GNG2: variants seen among roughly 807,000 people sequenced by gnomAD.
GNG2 encodes guanine nucleotide-binding protein G(I)/G(S)/G(O) subunit gamma-2.
GNG2 carries 5 observed loss-of-function variants against 5.5 expected under a neutral mutation model. That is an observed-to-expected ratio of 0.91 (90% confidence interval 0.48 to 1.92). The LOEUF is 1.92. GNG2 is among the 30% of genes most tolerant of loss of function. GNG2 has a pLI of 0.01. For synonymous variants in GNG2, 28 were observed against 32.0 expected (o/e 0.88, Z 0.42); for missense variants, 55 against 88.4 (o/e 0.62, Z 1.52).
At chr14:51,879,788 G>T (rs1318704265) in intron 2 of GNG2, among the ~76,000 whole-genome samples, 1 of 152,100 alleles carries the variant, frequency 6.6e-6, no homozygotes, top group East Asian at 1.9e-4. Context: ...GGATAAGCCA[G>T]GCTAATCTCC....
intron 2 of GNG2, among the ~76,000 whole-genome samples, chr14:51,904,294 G>T (rs11851703): frequency 1.3e-5 from 2 of 152,156 alleles, no homozygotes; most frequent in East Asian, 3.9e-4. Context: ...TCCAGTTCAG[G>T]GTCTGGCAGG....
chr14:51,861,150 G>T (rs1882452118), intron 1 of GNG2, among the ~76,000 whole-genome samples: 1 of 152,138 alleles, frequency 6.6e-6, no homozygotes, highest in Non-Finnish European at 1.5e-5. Flanking sequence ...GGAGTGAGTG[G>T]TGTAAAATAT....
At chr14:51,941,576 C>T (rs1888320469) in intron 2 of GNG2, among the ~76,000 whole-genome samples, 1 of 152,160 alleles carries the variant, frequency 6.6e-6, no homozygotes, top group Non-Finnish European at 1.5e-5. Flanking sequence ...TGAAAAACAC[C>T]ATTGAAGTAT....
chr14:51,878,376 C>T (rs542198721), intron 2 of GNG2, among the ~76,000 whole-genome samples: 3 of 152,246 alleles, frequency 2.0e-5, no homozygotes, highest in South Asian at 2.1e-4. Flanking sequence ...CCTACATCCC[C>T]ATCACCCAAT....
chr14:51,881,305 G>A (rs138567404), intron 2 of GNG2, among the ~76,000 whole-genome samples: 1 of 152,276 alleles, frequency 6.6e-6, no homozygotes, highest in East Asian at 1.9e-4. Flanking sequence ...GTAAATATTA[G>A]GAAGACTATC....
At chr14:51,917,417 C>T (rs562995951) in intron 2 of GNG2, 4 of 456,066 alleles carry the variant, frequency 8.8e-6, no homozygotes, top group African/African-American at 2.0e-5. Context: ...ATACTGCAAT[C>T]GCCTCTGTAA....
At position 51,947,746 on chromosome 14, in the gene GNG2, G is replaced by A. The variant is rs115375445; in HGVS notation, c.-29-2904G>A. 5.5e-3 allele frequency among the ~76,000 whole-genome samples: 840 copies of A among 152,242 alleles called. 5 individuals carry two copies. Among genetic ancestry groups the A allele is most frequent in the African/African-American group, 0.019 (801 of 41,540 alleles). ...TAGAACAAATATATTCTCTATCTCA[G>A]CCTCCTCAAGCCACTCACAGCTTTT... On this transcript the variant is annotated intron_variant, in intron 2 of 3. Coordinates refer to ENST00000556766, the MANE Select transcript of GNG2 (RefSeq NM_053064.5).
chr14:51,968,833 C>A lies in GNG2; in HGVS notation c.*2146C>A, dbSNP rs964492599. On this transcript the variant is annotated 3_prime_UTR_variant, in exon 4 of 4. Transcript: ENST00000556766. ...CTGAGGCATCATTAGAAGGCCCAGA[C>A]GATTTCCACTATTCACAGCATTTCC... 4 of 152,144 alleles carry A rather than the reference C, an allele frequency of 2.6e-5. No individual in the cohort carries two copies. Among genetic ancestry groups the A allele is most frequent in the African/African-American group, 9.7e-5 (4 of 41,430 alleles). 9.4% of individuals were successfully genotyped at this position (152,144 alleles called of 1,614,324 possible). A position where few individuals can be genotyped will look rare whatever the true frequency, so the allele number is the denominator to read the frequency against.
upstream of GNG2, among the ~76,000 whole-genome samples, chr14:51,860,229 A>C (rs1448807016): frequency 6.6e-6 from 1 of 151,728 alleles, no homozygotes; most frequent in Non-Finnish European, 1.5e-5. Flanking sequence ...CCAAAAAAAA[A>C]CAGCAGCAGC....
rs549895170 is a variant in GNG2, at chr14:51,968,261, G to C, written c.*1574G>C. On this transcript the variant is annotated 3_prime_UTR_variant, in exon 4 of 4. Coordinates refer to ENST00000556766, the MANE Select transcript of GNG2 (RefSeq NM_053064.5). The stretch of plus-strand genomic sequence containing the variant: ...TCTGTGTCATTTTCAGTCAAAGAGG[G>C]CCTCTCTTACATCTTGTTTGCTTTC... 4 of 151,876 alleles carry C rather than the reference G, an allele frequency of 2.6e-5. No individual in the cohort carries two copies. The highest frequency in any genetic ancestry group is 1.9e-4 in the East Asian group (1 of 5,180). The allele number at this position is 151,876 out of a possible 1,614,324, so 9.4% of individuals were successfully genotyped here.
chr14:51,960,133 A>G (rs566797107), intron 3 of GNG2, among the ~76,000 whole-genome samples: 1 of 151,950 alleles, frequency 6.6e-6, no homozygotes, highest in African/African-American at 2.4e-5. Context: ...TATGTGTATT[A>G]AGTCATTTGA....
intron 2 of GNG2, among the ~76,000 whole-genome samples, chr14:51,926,445 A>C (rs1887325859): frequency 6.6e-6 from 1 of 152,210 alleles, no homozygotes. Flanking sequence ...TGAGTTTTGG[A>C]CTAATTTTTT....
chr14:51,878,432 C>T (rs1427038064), intron 2 of GNG2, among the ~76,000 whole-genome samples: 1 of 152,210 alleles, frequency 6.6e-6, no homozygotes, highest in Non-Finnish European at 1.5e-5. Context: ...ATTTCTACCT[C>T]TACCTACTTC....
chr14:51,853,818 C>G (rs1191129920), intron 2 of GNG2, among the ~76,000 whole-genome samples: 1 of 151,964 alleles, frequency 6.6e-6, no homozygotes, highest in African/African-American at 2.4e-5. Flanking sequence ...GTTCTCTAAC[C>G]TCTGTCACAC....
chr14:51,842,415 A>G (rs967247004), intron 2 of GNG2, among the ~76,000 whole-genome samples: 12 of 152,216 alleles, frequency 7.9e-5, no homozygotes, highest in African/African-American at 2.9e-4. Flanking sequence ...GTGCTCAGCA[A>G]TAATGGAACC....
upstream of GNG2, among the ~76,000 whole-genome samples, chr14:51,857,978 G>A (rs1365882371): frequency 3.9e-5 from 6 of 152,118 alleles, no homozygotes; most frequent in Admixed American, 1.3e-4. Flanking sequence ...CCCAACCTCC[G>A]CTACCAGTAG....
chr14:51,966,387 G>T (rs1428441711), intron 3 of GNG2, among the ~76,000 whole-genome samples, 172 bp from the exon 4 acceptor site: 1 of 152,090 alleles, frequency 6.6e-6, no homozygotes, highest in Admixed American at 6.5e-5. Context: ...AATCCTGTAA[G>T]GTCAGTGTCG....
intron 1 of GNG2, among the ~76,000 whole-genome samples, chr14:51,876,958 T>C (rs541479847): frequency 6.6e-6 from 1 of 150,626 alleles, no homozygotes; most frequent in East Asian, 2.0e-4. Context: ...ATAAAGAAGC[T>C]CATCTACACA....
At chr14:51,951,765 A>G (rs1001125028) in intron 3 of GNG2, 5 of 610,374 alleles carry the variant, frequency 8.2e-6, no homozygotes, top group African/African-American at 7.5e-5. Context: ...AAGTTTTATT[A>G]GAACACACTC....
Sources: gnomAD v4.1 joint callset for allele counts (sites outside exome capture counted in the v4.1 genomes callset) on GRCh38, gnomAD v4.1.1 for gene constraint, MANE v1.5 for transcripts, NCBI Gene and HGNC (gene_info 2026-07-23, HGNC 2026-07-21) for gene names.